Variants in VCPKMT observed in about 807,000 individuals in gnomAD.
VCPKMT encodes valosin containing protein lysine methyltransferase.
Under a neutral mutation model 28.6 loss-of-function variants are expected in VCPKMT, and 32 were observed. The observed-to-expected ratio is 1.12, with a 90% CI of 0.84 to 1.50. VCPKMT has a LOEUF of 1.50. Among genes scored for constraint, VCPKMT ranks in the 40% most tolerant of loss-of-function variants. The pLI is 0.00. For synonymous variants in VCPKMT, 138 were observed against 111.4 expected (o/e 1.24, Z -1.50); for missense variants, 366 against 285.0 (o/e 1.28, Z -2.05).
At chr14:50,112,570 T>C in intron 5 of VCPKMT, 45 bp downstream of exon 5, 1 of 1,279,946 alleles carries the variant, frequency 7.8e-7, no homozygotes, top group Non-Finnish European at 1.1e-6. Flanking sequence ...AGTGTCCAGC[T>C]GATGAAACCT....
At chr14:50,108,437 C>T (rs1219052916), downstream of VCPKMT, among the ~76,000 whole-genome samples, 2 of 152,104 alleles carry the variant, frequency 1.3e-5, no homozygotes, top group Admixed American at 1.3e-4. Context: ...TAATGAAATG[C>T]TAAGGACAGT....
chr14:50,114,351 A>C lies in VCPKMT; in HGVS notation c.504T>G (p.Cys168Trp). The change falls in exon 4 of 6, where the codon TGT becomes TGG. Residue 168 changes from cysteine (C) to tryptophan (W), a missense_variant. Transcript: ENST00000395860. ...TLKDISGFET[C>W]IICCYEQRTM... ...TTCGTTGTTCATAACAACATATAATACAAGTTTCAAATCCGCTGATATCTT... is the reference window on the plus strand; with the variant it reads ...TTCGTTGTTCATAACAACATATAATCCAAGTTTCAAATCCGCTGATATCTT... 1 of 1,592,016 alleles carries C rather than the reference A, an allele frequency of 6.3e-7. No homozygotes were observed. Among genetic ancestry groups the C allele is most frequent in the Non-Finnish European group, 8.5e-7 (1 of 1,172,094 alleles).
intron 5 of VCPKMT, chr14:50,111,139 T>C: frequency 1.1e-6 from 1 of 948,192 alleles, no homozygotes; most frequent in South Asian, 4.9e-5. Flanking sequence ...TTTTATGGTA[T>C]GTGAGTTACA....
chr14:50,115,156 T>G (rs969026716), intron 3 of VCPKMT, among the ~76,000 whole-genome samples: 3 of 119,258 alleles, frequency 2.5e-5, no homozygotes, highest in East Asian at 2.2e-4. Context: ...TTTTTTTTTT[T>G]TTTTTTTTTT....
intron 2 of VCPKMT, 75 bp from the exon 3 acceptor site, chr14:50,115,986 T>C: frequency 6.3e-7 from 1 of 1,592,526 alleles, no homozygotes; most frequent in Non-Finnish European, 8.6e-7. Flanking sequence ...AACCGGAAAG[T>C]CCCCTTCCAT....
At position 50,112,630 on chromosome 14, in the gene VCPKMT, G is replaced by T. The variant is rs1263870653; in HGVS notation, c.660C>A (p.Ile220=). Residue 220 remains isoleucine (I), a synonymous_variant, in exon 5 of 6, where the codon ATC becomes ATA. Coordinates refer to ENST00000395860, the MANE Select transcript of VCPKMT (RefSeq NM_024558.3). Reference sequence around the variant, plus strand: ...TGTTATTTACCGATTTTTTCTTTCTGATGTATATAATATGAATATCTTCAC... The same window carrying T: ...TGTTATTTACCGATTTTTTCTTTCTTATGTATATAATATGAATATCTTCAC... ...YRSEDIHIIY[I]RKKKSKFPS 1.2e-5 allele frequency: 19 copies of T among 1,546,658 alleles called. No individual in the cohort carries two copies. In the East Asian group the frequency reaches 2.3e-4, roughly 19 times the overall value.
downstream of VCPKMT, among the ~76,000 whole-genome samples, chr14:50,105,685 T>C (rs1313704831): frequency 6.6e-6 from 1 of 152,102 alleles, no homozygotes; most frequent in African/African-American, 2.4e-5. Context: ...ACCAAACATA[T>C]GATCCATGGA....
At chr14:50,112,794 G>T in intron 4 of VCPKMT, 75 bp from the exon 5 acceptor site, 3 of 1,104,778 alleles carry the variant, frequency 2.7e-6, no homozygotes, top group Non-Finnish European at 3.8e-6. Context: ...TCAGAATGCT[G>T]GTTACTTTTT....
intron 4 of VCPKMT, among the ~76,000 whole-genome samples, chr14:50,113,804 G>GTT (rs1566807748): frequency 1.1e-5 from 1 of 93,036 alleles, no homozygotes; most frequent in Non-Finnish European, 2.3e-5. Context: ...CGGGGGGGGG[G>GTT]GGGGGTGACA....
intron 5 of VCPKMT, chr14:50,111,449 C>G (rs1351307173): frequency 5.1e-6 from 5 of 985,306 alleles, no homozygotes; most frequent in South Asian, 4.7e-5. Context: ...AATCAGAAAA[C>G]TTTACCACAA....
downstream of VCPKMT, among the ~76,000 whole-genome samples, chr14:50,107,552 G>A (rs561785626): frequency 1.3e-5 from 2 of 152,288 alleles, no homozygotes; most frequent in Non-Finnish European, 2.9e-5. Flanking sequence ...GACCTCAGGA[G>A]ATCCGTCTGC....
At chr14:50,110,254 A>T (rs1047015802) in intron 5 of VCPKMT, among the ~76,000 whole-genome samples, 3 of 152,228 alleles carry the variant, frequency 2.0e-5, no homozygotes, top group Non-Finnish European at 2.9e-5. Context: ...CTCAAAAGAA[A>T]AATAAGAAAA....
At chr14:50,106,541 AGAGT>A (rs1882327197), downstream of VCPKMT, 2 of 984,960 alleles carry the variant, frequency 2.0e-6, no homozygotes, top group Non-Finnish European at 2.4e-6. Flanking sequence ...TCAGGCTGGC[AGAGT>A]GCATCTTCAA....
At chr14:50,112,762 AC>A (rs79235752) in intron 4 of VCPKMT, 43 bp from the exon 5 acceptor site, 241,692 of 1,357,750 alleles carry the variant, frequency 0.18, 23,630 homozygotes, top group East Asian at 0.45. Flanking sequence ...AATAATATGA[AC>A]TGACCTGTGG....
intron 5 of VCPKMT, chr14:50,111,338 T>C (rs1882643203): frequency 7.1e-6 from 7 of 985,274 alleles, no homozygotes; most frequent in African/African-American, 1.7e-5. Flanking sequence ...GCCACATAAA[T>C]GTTAATCTGA....
At chr14:50,103,059 T>C in the VCPKMT span, among the ~76,000 whole-genome samples, 1 of 152,228 alleles carries the variant, frequency 6.6e-6, no homozygotes, top group Non-Finnish European at 1.5e-5. Context: ...TGCAATTTTT[T>C]AAAAACTCAT....
downstream of VCPKMT, among the ~76,000 whole-genome samples, chr14:50,107,986 T>C (rs1364430750): frequency 1.3e-5 from 2 of 151,904 alleles, no homozygotes; most frequent in Non-Finnish European, 2.9e-5. Flanking sequence ...TCCAGGAATT[T>C]GAGACCAGTC....
intron 2 of VCPKMT, 68 bp from the exon 3 acceptor site, chr14:50,115,979 C>T: frequency 6.3e-7 from 1 of 1,597,164 alleles, no homozygotes. Context: ...TATAAAGAAC[C>T]GGAAAGTCCC....
chr14:50,109,754 A>G, intron 5 of VCPKMT, 41 bp from the exon 6 acceptor site: 1 of 1,581,104 alleles, frequency 6.3e-7, no homozygotes, highest in South Asian at 1.2e-5. Context: ...TTGATTTACC[A>G]CAAACTATTT....
Sources: gnomAD v4.1 joint callset for allele counts (sites outside exome capture counted in the v4.1 genomes callset) on GRCh38, gnomAD v4.1.1 for gene constraint, MANE v1.5 for transcripts, NCBI Gene and HGNC (gene_info 2026-07-23, HGNC 2026-07-21) for gene names.